The following CACNA1A variants were observed in gnomAD, a reference collection of about 807,000 sequenced individuals.
CACNA1A encodes the protein calcium voltage-gated channel subunit alpha1 A.
In CACNA1A, 57 loss-of-function variants were observed where a neutral mutation model predicts 262.4. That is an observed-to-expected ratio of 0.22 (90% CI 0.18 to 0.27). The LOEUF is 0.27. CACNA1A is among the 10% of genes least tolerant of loss of function. The pLI is 1.00. For synonymous variants in CACNA1A, 1,431 were observed against 1,419.3 expected, an observed-to-expected ratio of 1.01 and a Z score of -0.18; for missense variants, 2,526 against 3,562.8, an observed-to-expected ratio of 0.71 and a Z score of 7.41.
intron 34 of CACNA1A, among the ~76,000 whole-genome samples, chr19:13,233,547 G>C (rs1600134793): frequency 6.6e-6 from 1 of 152,154 alleles, no homozygotes; most frequent in Admixed American, 6.5e-5. Context: ...GAGTGCAGTG[G>C]CACAATCATA....
chr19:13,348,511 C>G (rs185015337), intron 6 of CACNA1A, among the ~76,000 whole-genome samples: 1 of 151,572 alleles, frequency 6.6e-6, no homozygotes, highest in Non-Finnish European at 1.5e-5. Context: ...GAGACCAGCC[C>G]GGCCAACATG....
At chr19:13,208,427 G>T (rs899535749) in intron 46 of CACNA1A, among the ~76,000 whole-genome samples, 1 of 151,952 alleles carries the variant, frequency 6.6e-6, no homozygotes, top group Non-Finnish European at 1.5e-5. Context: ...AACAAAAACA[G>T]AAGCCGGGTT....
In CACNA1A at chr19:13,359,893, G is replaced by A. The variant is rs367808767; in HGVS notation, c.785-94C>T. 1.6e-4 allele frequency: 133 copies of A among 812,910 alleles called. 1 individual carries two copies. The East Asian group carries it at 2.6e-3, about 16-fold the overall frequency. 50.4% of individuals were successfully genotyped at this position (812,910 alleles called of 1,614,324 possible). A position where few individuals can be genotyped will look rare whatever the true frequency, so the allele number is the denominator to read the frequency against. On this transcript the variant is annotated intron_variant, in intron 5 of 46. Transcript: ENST00000360228. ...AGTGACTCTATAATGCTGTTGGAACGAATAACTTTTGGGACAAACGTGATC... is the reference window on the plus strand; with the variant it reads ...AGTGACTCTATAATGCTGTTGGAACAAATAACTTTTGGGACAAACGTGATC...
chr19:13,426,311 CT>C lies in CACNA1A; in HGVS notation c.539+26564del, dbSNP rs957885544. ...TATACTTAAAGAAATGTAAGACATG[CT>C]TGAAAATACCTATAGAACAATTCTC... On this transcript the variant is annotated intron_variant, in intron 3 of 46. Transcript: ENST00000360228. 5.3e-4 allele frequency among the ~76,000 whole-genome samples: 81 copies of C among 152,166 alleles called. 2 individuals carry two copies. The highest frequency in any genetic ancestry group is 5.0e-3 in the Admixed American group (77 of 15,266).
At chr19:13,475,754 G>C (rs946546563) in intron 1 of CACNA1A, among the ~76,000 whole-genome samples, 1 of 152,122 alleles carries the variant, frequency 6.6e-6, no homozygotes, top group African/African-American at 2.4e-5. Context: ...TAGCAGTGAA[G>C]AGAAACATCA....
At chr19:13,292,525 A>G (rs1190869476) in intron 19 of CACNA1A, among the ~76,000 whole-genome samples, 2 of 151,996 alleles carry the variant, frequency 1.3e-5, no homozygotes, top group African/African-American at 4.8e-5. Flanking sequence ...GAGGTGGGAG[A>G]ATCACCTGAG....
chr19:13,330,320 G>T lies in CACNA1A; in HGVS notation c.1269C>A (p.Thr423=), dbSNP rs1230451858. The change falls in exon 10 of 47, where the codon ACC becomes ACA. Residue 423 remains threonine (T), a synonymous_variant. Transcript: ENST00000360228. ...AATCTGTCTTGCTTTTCTTTATGGT[G>T]GTTCTCCGCAGAGCTCCAACAATGG... The part of the protein sequence containing the change: ...QRHPFDALRR[T]TIKKSKTDLL... 1 of 1,562,886 alleles carries T rather than the reference G, an allele frequency of 6.4e-7. No homozygotes were observed. Among genetic ancestry groups the T allele is most frequent in the South Asian group, 1.2e-5 (1 of 84,756 alleles).
intron 10 of CACNA1A, among the ~76,000 whole-genome samples, chr19:13,327,510 T>A (rs2058384084): frequency 7.0e-6 from 1 of 142,282 alleles, no homozygotes; most frequent in South Asian, 2.3e-4. Flanking sequence ...AGAGCAAGAC[T>A]CCATCTCAGA....
intron 6 of CACNA1A, among the ~76,000 whole-genome samples, chr19:13,340,107 G>A (rs1156585010): frequency 6.6e-6 from 1 of 152,138 alleles, no homozygotes; most frequent in Non-Finnish European, 1.5e-5. Flanking sequence ...CCATCACGAG[G>A]AGCAGGCTCA....
chr19:13,493,804 G>T (rs574499672), intron 1 of CACNA1A, among the ~76,000 whole-genome samples: 1 of 152,192 alleles, frequency 6.6e-6, no homozygotes, highest in Non-Finnish European at 1.5e-5. Flanking sequence ...ATTGTTACAT[G>T]AATATAATAC....
intron 3 of CACNA1A, among the ~76,000 whole-genome samples, chr19:13,420,039 C>A (rs1047916229): frequency 6.6e-6 from 1 of 151,760 alleles, no homozygotes; most frequent in African/African-American, 2.4e-5. Flanking sequence ...TGAGCCGAGA[C>A]TACTACACTC....
rs913398873 is a variant in CACNA1A, at chr19:13,506,350, G to A, written c.-126C>T. The A allele has an allele frequency of 1.6e-4, 139 of 853,486 alleles. No individual in the cohort carries two copies. The highest frequency in any genetic ancestry group is 3.7e-4 in the Middle Eastern group (1 of 2,696). The allele number at this position is 853,486 out of a possible 1,614,324, so 52.9% of individuals were successfully genotyped here. ...GAGCGCGGCGGCTGGAGCTACGACT[G>A]CGGAGACGCTCCACGGCCCAGCCCA... On this transcript the variant is annotated 5_prime_UTR_variant, in exon 1 of 47. Coordinates refer to ENST00000360228, the MANE Select transcript of CACNA1A (RefSeq NM_001127222.2).
chr19:13,206,628 CTCTTTTCTCAA>C lies in CACNA1A; in HGVS notation c.*674_*684del, dbSNP rs1431676227. On this transcript the variant is annotated 3_prime_UTR_variant, in exon 47 of 47. Coordinates refer to ENST00000360228, the MANE Select transcript of CACNA1A (RefSeq NM_001127222.2). ...AGGACCAAATGTCAGAAAAAAATGC[CTCTTTTCTCAA>C]TCATTAATTTTTTTGTCCTTTTTAA... 13 of 154,058 alleles carry C rather than the reference CTCTTTTCTCAA, an allele frequency of 8.4e-5. No individual in the cohort carries two copies. The highest frequency in any genetic ancestry group is 3.1e-4 in the African/African-American group (13 of 41,430). 9.5% of individuals were successfully genotyped at this position (154,058 alleles called of 1,614,324 possible). A position where few individuals can be genotyped will look rare whatever the true frequency, so the allele number is the denominator to read the frequency against.
At chr19:13,226,841 A>T (rs1308599380) in intron 37 of CACNA1A, 1 of 152,228 alleles carries the variant, frequency 6.6e-6, no homozygotes, top group Non-Finnish European at 1.5e-5. Context: ...GGGATTAGGG[A>T]CGGGGGCTGG....
In CACNA1A at chr19:13,312,509, A is replaced by G. The variant is rs10407217; in HGVS notation, c.1668+160T>C. On this transcript the variant is annotated intron_variant, in intron 12 of 46. Coordinates refer to ENST00000360228, the MANE Select transcript of CACNA1A (RefSeq NM_001127222.2). ...TGGTTGAGGGTTCTGGGTACACTGT[A>G]TCCTTGCCAGTGTTTGGGATTGTTT... The G allele has an allele frequency of 0.011, 6,531 of 568,936 alleles. 327 individuals carry two copies. In the African/African-American group the frequency reaches 0.11, roughly 10 times the overall value. 35.2% of individuals were successfully genotyped at this position (568,936 alleles called of 1,614,324 possible).
At chr19:13,264,115 C>T (rs558655416) in intron 24 of CACNA1A, among the ~76,000 whole-genome samples, 1 of 152,284 alleles carries the variant, frequency 6.6e-6, no homozygotes, top group East Asian at 1.9e-4. Context: ...CTGAGCTTAG[C>T]AATGCAGACC....
intron 3 of CACNA1A, among the ~76,000 whole-genome samples, chr19:13,383,697 C>G (rs1237489196): frequency 6.6e-6 from 1 of 152,200 alleles, no homozygotes; most frequent in Non-Finnish European, 1.5e-5. Flanking sequence ...CCTAGCTGGC[C>G]TCTTCGAATT....
chr19:13,272,695 G>A (rs868102127), intron 24 of CACNA1A: 20 of 150,324 alleles, frequency 1.3e-4, no homozygotes, highest in Middle Eastern at 2.4e-3. Flanking sequence ...AGAGAGGGAA[G>A]AAGAGAGAGG....
At chr19:13,432,103 C>CAAAAAAAAAAAAA (rs71170513) in intron 3 of CACNA1A, among the ~76,000 whole-genome samples, 6 of 64,398 alleles carry the variant, frequency 9.3e-5, no homozygotes, top group African/African-American at 3.7e-4. Flanking sequence ...GACTCCGTCT[C>CAAAAAAAAAAAAA]AAAAAAAAAA....
Sources: allele counts gnomAD v4.1 joint callset (sites outside exome capture counted in the v4.1 genomes callset), GRCh38; gene constraint gnomAD v4.1.1; transcripts MANE v1.5; gene names NCBI Gene and HGNC (gene_info 2026-07-23, HGNC 2026-07-21).